The following ROBO1 variants were observed in gnomAD, a reference collection of about 807,000 sequenced individuals.
ROBO1 encodes roundabout homolog 1.
A neutral mutation model predicts 195.9 loss-of-function variants in ROBO1; 149 were observed. That is an observed-to-expected ratio of 0.76 (90% CI 0.67 to 0.87). The LOEUF (loss-of-function observed/expected upper bound fraction) is 0.87. Among genes scored for constraint, ROBO1 ranks in the 40% least tolerant of loss-of-function variants. ROBO1 has a pLI of 0.00. For synonymous variants in ROBO1, 816 were observed against 733.2 expected (o/e 1.11, Z -1.82); for missense variants, 1,933 against 2,068.3 (o/e 0.93, Z 1.27).
chr3:78,617,964 AG>A lies in ROBO1; in HGVS notation c.3952del (p.Leu1318TrpfsTer21). On this transcript the variant is annotated frameshift_variant, in exon 27 of 31. Transcript: ENST00000464233. LOFTEE classifies it high-confidence loss of function. ...PHTYGYISGPLVSDMDTDAPE... is the reference protein window; with the variant it reads ...PHTYGYISGPXVSDMDTDAPE... ...CGCATCCGTATCCATATCTGAGACC[AG>A]GGGTCCTGAAATGTAGCCATAGGTA... The A allele has an allele frequency of 6.2e-7, 1 of 1,613,958 alleles. No homozygotes were observed. Among genetic ancestry groups the A allele is most frequent in the Non-Finnish European group, 8.5e-7 (1 of 1,179,876 alleles).
At chr3:79,032,846 C>T (rs1449104008) in intron 3 of ROBO1, among the ~76,000 whole-genome samples, 1 of 151,802 alleles carries the variant, frequency 6.6e-6, no homozygotes, top group African/African-American at 2.4e-5. Flanking sequence ...GCAGAAAATC[C>T]CTCCCCTATG....
chr3:79,084,900 T>C (rs1457568760), intron 3 of ROBO1, among the ~76,000 whole-genome samples: 1 of 152,126 alleles, frequency 6.6e-6, no homozygotes. Context: ...AAATTTATTT[T>C]CTAATAAGAG....
intron 2 of ROBO1, among the ~76,000 whole-genome samples, chr3:79,154,245 G>A (rs1288586973): frequency 6.6e-6 from 1 of 151,736 alleles, no homozygotes; most frequent in Non-Finnish European, 1.5e-5. Flanking sequence ...TACAATTAAA[G>A]TCTTTACAAT....
intron 3 of ROBO1, among the ~76,000 whole-genome samples, chr3:79,012,483 T>A (rs1357305131): frequency 6.6e-6 from 1 of 152,204 alleles, no homozygotes; most frequent in Non-Finnish European, 1.5e-5. Flanking sequence ...CAAAATAATA[T>A]GAATTAATTA....
At chr3:79,661,569 G>C (rs1946329191) in intron 1 of ROBO1, among the ~76,000 whole-genome samples, 1 of 150,296 alleles carries the variant, frequency 6.7e-6, no homozygotes. Flanking sequence ...AACTTTGCTA[G>C]CATTTTTCTT....
At position 78,832,353 on chromosome 3, in the gene ROBO1, A is replaced by T. The variant is rs75383451; in HGVS notation, c.500-85453T>A. On this transcript the variant is annotated intron_variant, in intron 4 of 30. Coordinates refer to ENST00000464233, the MANE Select transcript of ROBO1 (RefSeq NM_002941.4). ...GCTCTTTGTGTAAACATAGATATTT[A>T]TGCAGGTGTATATGCCTCCGCCTTT... 8.5e-4 allele frequency among the ~76,000 whole-genome samples: 130 copies of T among 152,304 alleles called. No homozygotes were observed. The East Asian group carries it at 0.022, about 26-fold the overall frequency.
At chr3:79,174,730 T>C (rs909379220) in intron 2 of ROBO1, among the ~76,000 whole-genome samples, 40 of 150,880 alleles carry the variant, frequency 2.7e-4, no homozygotes, top group African/African-American at 9.5e-4. Flanking sequence ...TGGTCGGTCA[T>C]GTGTGGTCGC....
chr3:79,462,384 G>A (rs551841038), intron 2 of ROBO1, among the ~76,000 whole-genome samples: 2 of 152,176 alleles, frequency 1.3e-5, no homozygotes, highest in Non-Finnish European at 2.9e-5. Flanking sequence ...TCAAAGGCAT[G>A]TTGGAGAATG....
At chr3:79,260,774 G>A (rs192998140) in intron 2 of ROBO1, among the ~76,000 whole-genome samples, 1 of 152,118 alleles carries the variant, frequency 6.6e-6, no homozygotes, top group East Asian at 1.9e-4. Context: ...AACTTCTGAT[G>A]GGAGCAATCA....
intron 23 of ROBO1, among the ~76,000 whole-genome samples, chr3:78,635,286 C>T (rs1705427530): frequency 6.6e-6 from 1 of 152,126 alleles, no homozygotes; most frequent in Admixed American, 6.6e-5. Flanking sequence ...GTCTTAATAA[C>T]CACACGAGGT....
chr3:78,786,691 CAT>C (rs1422280552), intron 4 of ROBO1, among the ~76,000 whole-genome samples: 2 of 152,140 alleles, frequency 1.3e-5, no homozygotes, highest in Non-Finnish European at 2.9e-5. Context: ...TTCCCTTGCA[CAT>C]GTTCTCTTGC....
At chr3:79,128,931 C>A (rs1472937602) in intron 2 of ROBO1, among the ~76,000 whole-genome samples, 2 of 152,202 alleles carry the variant, frequency 1.3e-5, no homozygotes, top group Admixed American at 1.3e-4. Context: ...TCCTTAAATA[C>A]TTGTGTTTCA....
chr3:79,231,103 G>A (rs548800710), intron 2 of ROBO1, among the ~76,000 whole-genome samples: 1 of 151,950 alleles, frequency 6.6e-6, no homozygotes, highest in East Asian at 1.9e-4. Context: ...GTAAAACCTG[G>A]AAGTATAACA....
At chr3:79,579,136 A>G (rs2107781665) in intron 2 of ROBO1, among the ~76,000 whole-genome samples, 1 of 152,298 alleles carries the variant, frequency 6.6e-6, no homozygotes, top group Non-Finnish European at 1.5e-5. Flanking sequence ...ATTGACTGTG[A>G]TGTGATTACT....
chr3:79,165,967 A>G (rs1019239948), intron 2 of ROBO1, among the ~76,000 whole-genome samples: 15 of 152,206 alleles, frequency 9.9e-5, no homozygotes, highest in African/African-American at 3.6e-4. Flanking sequence ...GGAAGAATAA[A>G]TTCCACCTGT....
At chr3:79,463,374 C>CAAA in intron 2 of ROBO1, among the ~76,000 whole-genome samples, 1 of 122,220 alleles carries the variant, frequency 8.2e-6, no homozygotes, top group African/African-American at 3.2e-5. Context: ...GATTACATCT[C>CAAA]AAAAAAAAAA....
chr3:79,523,461 CT>C (rs11357931), intron 2 of ROBO1, among the ~76,000 whole-genome samples: 39,223 of 134,542 alleles, frequency 0.29, 6,022 homozygotes, highest in Non-Finnish European at 0.36. Context: ...ATTTTTCTTT[CT>C]TTTTTTTTTC....
intron 1 of ROBO1, among the ~76,000 whole-genome samples, chr3:79,649,043 T>C (rs1467336158): frequency 6.6e-6 from 1 of 152,126 alleles, no homozygotes; most frequent in Non-Finnish European, 1.5e-5. Flanking sequence ...TTATCAACTC[T>C]ATTTGACCCA....
intron 4 of ROBO1, among the ~76,000 whole-genome samples, chr3:78,924,275 G>A (rs142567060): frequency 2.6e-5 from 4 of 151,926 alleles, no homozygotes; most frequent in East Asian, 3.9e-4. Flanking sequence ...TTAATCAAAC[G>A]TACAATTATA....
Sources: allele counts gnomAD v4.1 joint callset (sites outside exome capture counted in the v4.1 genomes callset), GRCh38; gene constraint gnomAD v4.1.1; transcripts MANE v1.5; gene names NCBI Gene and HGNC (gene_info 2026-07-23, HGNC 2026-07-21).